ANP32A: variants seen among roughly 807,000 people sequenced by gnomAD.
The protein encoded by ANP32A is acidic nuclear phosphoprotein 32 family member A.
A neutral mutation model predicts 33.9 loss-of-function variants in ANP32A; 1 was observed. That is an observed-to-expected ratio of 0.03 (90% CI 0.01 to 0.14). ANP32A has a LOEUF of 0.14. Ranked by LOEUF, ANP32A falls within the 10% of genes least tolerant of loss-of-function variation. ANP32A has a pLI of 1.00. For missense variants in ANP32A, 155 were observed against 306.0 expected (o/e 0.51, Z 3.68); for synonymous variants, 115 against 120.5 (o/e 0.95, Z 0.30).
intron 5 of ANP32A, 50 bp downstream of exon 5, chr15:68,782,906 G>A: frequency 6.5e-7 from 1 of 1,548,956 alleles, no homozygotes; most frequent in Non-Finnish European, 8.7e-7. Context: ...CAGTCAGTGG[G>A]ACTGCCTCAA....
chr15:68,784,924 T>TGC (rs1436381295), intron 3 of ANP32A, among the ~76,000 whole-genome samples: 1 of 152,198 alleles, frequency 6.6e-6, no homozygotes, highest in African/African-American at 2.4e-5. Flanking sequence ...GCTTTCTTGG[T>TGC]GCATGAGCCA....
chr15:68,811,203 G>A (rs763252409), intron 1 of ANP32A, among the ~76,000 whole-genome samples: 13 of 152,126 alleles, frequency 8.5e-5, no homozygotes, highest in Non-Finnish European at 1.9e-4. Flanking sequence ...GTGACAGGAT[G>A]GAGAAGATAG....
Position 68,808,475 on chromosome 15 carries a change from A to G in ANP32A, c.54+12223T>C, listed in dbSNP as rs572406375. 4.6e-5 allele frequency among the ~76,000 whole-genome samples: 7 copies of G among 152,318 alleles called. No homozygotes were observed. The East Asian group carries it at 1.3e-3, about 29-fold the overall frequency. ...CTCCTACCCAGCCCAGGATGCAAGG[A>G]CTGGATTCAAGAAATTAAATTTGCT... On this transcript the variant is annotated intron_variant, in intron 1 of 6. Coordinates refer to ENST00000465139, the MANE Select transcript of ANP32A (RefSeq NM_006305.4).
intron 1 of ANP32A, among the ~76,000 whole-genome samples, chr15:68,811,568 G>A (rs1455071202): frequency 6.6e-6 from 1 of 152,136 alleles, no homozygotes; most frequent in African/African-American, 2.4e-5. Flanking sequence ...CCAGAAGAGG[G>A]ACGAGTCACT....
At chr15:68,788,002 C>A in intron 1 of ANP32A, 83 bp from the exon 2 acceptor site, 1 of 1,530,506 alleles carries the variant, frequency 6.5e-7, no homozygotes. Flanking sequence ...CCTCAGAGAA[C>A]AGGGAGACAG....
chr15:68,809,560 T>C (rs1894285104), intron 1 of ANP32A, among the ~76,000 whole-genome samples: 1 of 152,184 alleles, frequency 6.6e-6, no homozygotes, highest in African/African-American at 2.4e-5. Context: ...AAGGTAGACA[T>C]ACTGGGGCTC....
intron 5 of ANP32A, among the ~76,000 whole-genome samples, chr15:68,781,908 C>A (rs892626584): frequency 6.6e-6 from 1 of 152,110 alleles, no homozygotes; most frequent in Non-Finnish European, 1.5e-5. Context: ...CTGGCCTCCG[C>A]GATTCTATTG....
At chr15:68,793,112 C>A (rs1427364933) in intron 1 of ANP32A, among the ~76,000 whole-genome samples, 1 of 152,114 alleles carries the variant, frequency 6.6e-6, no homozygotes, top group Non-Finnish European at 1.5e-5. Context: ...ATCATTTACT[C>A]GTGTATTAAG....
At chr15:68,788,710 G>A (rs1893963905) in intron 1 of ANP32A, among the ~76,000 whole-genome samples, 1 of 152,218 alleles carries the variant, frequency 6.6e-6, no homozygotes, top group African/African-American at 2.4e-5. Context: ...GCTCTTCACG[G>A]TCCAGCATAG....
At chr15:68,792,422 A>T (rs1894009285) in intron 1 of ANP32A, among the ~76,000 whole-genome samples, 1 of 152,188 alleles carries the variant, frequency 6.6e-6, no homozygotes, top group Non-Finnish European at 1.5e-5. Flanking sequence ...GTGAGGAGGC[A>T]ATGAAGGTTC....
intron 1 of ANP32A, among the ~76,000 whole-genome samples, chr15:68,807,434 G>GC (rs1030154905): frequency 4.1e-5 from 6 of 147,410 alleles, no homozygotes; most frequent in Admixed American, 1.3e-4. Flanking sequence ...AAACGGGGGG[G>GC]GGGGAGTCTC....
intron 1 of ANP32A, chr15:68,792,317 T>TG (rs1894007972): frequency 6.6e-6 from 1 of 152,166 alleles, no homozygotes; most frequent in Non-Finnish European, 1.5e-5. Context: ...ATCAGAAGCT[T>TG]TTCCAACACC....
At chr15:68,798,667 A>G (rs1176631786) in intron 1 of ANP32A, among the ~76,000 whole-genome samples, 2 of 152,216 alleles carry the variant, frequency 1.3e-5, no homozygotes, top group Admixed American at 1.3e-4. Context: ...AGAGGAAAGA[A>G]AGGTGGAAAA....
intron 1 of ANP32A, among the ~76,000 whole-genome samples, chr15:68,796,568 G>A (rs1331603133): frequency 6.6e-6 from 1 of 152,196 alleles, no homozygotes; most frequent in Non-Finnish European, 1.5e-5. Context: ...AGTGGATGCT[G>A]GAAGACTGAA....
intron 1 of ANP32A, among the ~76,000 whole-genome samples, chr15:68,815,095 G>A (rs943835055): frequency 6.6e-6 from 1 of 152,176 alleles, no homozygotes; most frequent in Non-Finnish European, 1.5e-5. Flanking sequence ...CCTGGGTTGA[G>A]GCTGATTTCC....
chr15:68,781,195 C>CT (rs1380859873), intron 5 of ANP32A: 3 of 152,102 alleles, frequency 2.0e-5, no homozygotes, highest in African/African-American at 4.8e-5. Context: ...TGACAGACTT[C>CT]TTTTTTGTCA....
chr15:68,814,514 T>C (rs1894354915), intron 1 of ANP32A, among the ~76,000 whole-genome samples: 1 of 151,252 alleles, frequency 6.6e-6, no homozygotes, highest in Non-Finnish European at 1.5e-5. Flanking sequence ...CTTGAGAGGC[T>C]GGTGGTGCAG....
At chr15:68,810,858 G>A (rs889482419) in intron 1 of ANP32A, among the ~76,000 whole-genome samples, 4 of 152,028 alleles carry the variant, frequency 2.6e-5, no homozygotes, top group African/African-American at 9.7e-5. Flanking sequence ...TCAGGAGTTC[G>A]AGATCAGCCT....
chr15:68,785,194 CTT>C (rs1893916860), intron 3 of ANP32A, among the ~76,000 whole-genome samples: 1 of 152,164 alleles, frequency 6.6e-6, no homozygotes, highest in Non-Finnish European at 1.5e-5. Flanking sequence ...TGCTCTTACT[CTT>C]TGAATATTGC....
Sources: gnomAD v4.1 joint callset for allele counts (sites outside exome capture counted in the v4.1 genomes callset) on GRCh38, gnomAD v4.1.1 for gene constraint, MANE v1.5 for transcripts, NCBI Gene and HGNC (gene_info 2026-07-23, HGNC 2026-07-21) for gene names.